Variants in GALNT5 observed in about 807,000 individuals in gnomAD.
The protein encoded by GALNT5 is polypeptide N-acetylgalactosaminyltransferase 5.
A neutral mutation model predicts 85.4 loss-of-function variants in GALNT5; 72 were observed. That is an observed-to-expected ratio of 0.84 (90% CI 0.70 to 1.03). The LOEUF (loss-of-function observed/expected upper bound fraction) is 1.03, where lower values mean the gene tolerates loss of function less well. GALNT5 is among the 50% of genes least tolerant of loss of function. GALNT5 has a pLI of 0.00. For missense variants in GALNT5, 1,137 were observed against 1,135.5 expected (o/e 1.00, Z -0.02); for synonymous variants, 404 against 397.0 (o/e 1.02, Z -0.21).
intron 3 of GALNT5, among the ~76,000 whole-genome samples, chr2:157,287,382 C>A (rs936078103): frequency 6.6e-6 from 1 of 151,576 alleles, no homozygotes; most frequent in Non-Finnish European, 1.5e-5. Context: ...CTATCTCTCC[C>A]TCTCCTGCTT....
chr2:157,296,597 T>A, intron 5 of GALNT5, 84 bp downstream of exon 5: 1 of 973,776 alleles, frequency 1.0e-6, no homozygotes, highest in East Asian at 2.5e-5. Flanking sequence ...CAGCTGTATC[T>A]TGTTATTCTA....
intron 2 of GALNT5, 96 bp from the exon 3 acceptor site, chr2:157,285,919 T>C: frequency 2.7e-6 from 2 of 746,088 alleles, no homozygotes; most frequent in Non-Finnish European, 4.5e-6. Flanking sequence ...GATGGTAATG[T>C]CATAGTTTTT....
At chr2:157,306,794 T>A (rs1427311191) in intron 8 of GALNT5, among the ~76,000 whole-genome samples, 1 of 152,174 alleles carries the variant, frequency 6.6e-6, no homozygotes, top group African/African-American at 2.4e-5. Flanking sequence ...AGAAAAGGTA[T>A]CTCTGTTGCT....
intron 1 of GALNT5, among the ~76,000 whole-genome samples, chr2:157,278,593 A>T (rs1204363474): frequency 6.6e-6 from 1 of 151,936 alleles, no homozygotes; most frequent in African/African-American, 2.4e-5. Flanking sequence ...CCTTTCTTCC[A>T]CTTGATTAAA....
At chr2:157,262,651 A>C (rs1682370546) in intron 1 of GALNT5, among the ~76,000 whole-genome samples, 2 of 137,236 alleles carry the variant, frequency 1.5e-5, no homozygotes, top group African/African-American at 6.8e-5. Context: ...AACAACAACA[A>C]CAACAACAAC....
chr2:157,301,004 G>A lies in GALNT5; in HGVS notation c.2439+5G>A. 6.3e-7 allele frequency: 1 copy of A among 1,594,108 alleles called. No homozygotes were observed. The highest frequency in any genetic ancestry group is 8.6e-7 in the Non-Finnish European group (1 of 1,167,234). On this transcript the variant is annotated splice_donor_5th_base_variant and intron_variant, in intron 7 of 9. Transcript: ENST00000259056. ...ATTGTGAGAGCTAGTGGTGTGGTAA[G>A]TTCAAGTGGCAATTTAAAATCTTAC...
At position 157,311,400 on chromosome 2, in the gene GALNT5, C is replaced by T. The variant is rs771546897; in HGVS notation, c.*52C>T. On this transcript the variant is annotated 3_prime_UTR_variant, in exon 10 of 10. Coordinates refer to ENST00000259056, the MANE Select transcript of GALNT5 (RefSeq NM_014568.3). ...AACCCATTAAATACTGTGAAAATAA[C>T]ACTGAACTTGGAAACTATATTTCTC... 28 of 1,188,786 alleles carry T rather than the reference C, an allele frequency of 2.4e-5. No homozygotes were observed. Among genetic ancestry groups the T allele is most frequent in the Middle Eastern group, 2.0e-4 (1 of 4,956 alleles). 73.6% of individuals were successfully genotyped at this position (1,188,786 alleles called of 1,614,324 possible). A position where few individuals can be genotyped will look rare whatever the true frequency, so the allele number is the denominator to read the frequency against.
At position 157,262,921 on chromosome 2, in the gene GALNT5, G is replaced by C. The variant is rs185641826; in HGVS notation, c.1454+3385G>C. Among the ~76,000 whole-genome samples, 573 of 147,594 alleles carry C rather than the reference G, an allele frequency of 3.9e-3. 15 individuals carry two copies. Among genetic ancestry groups the C allele is most frequent in the African/African-American group, 0.014 (534 of 38,658 alleles). The stretch of plus-strand genomic sequence containing the variant: ...CGGCTCACTGCAAACTCCGCCTCCG[G>C]GGTTCACACCATTCTCCTGCCTCAG... On this transcript the variant is annotated intron_variant, in intron 1 of 9. Coordinates refer to ENST00000259056, the MANE Select transcript of GALNT5 (RefSeq NM_014568.3).
intron 1 of GALNT5, among the ~76,000 whole-genome samples, chr2:157,270,295 G>GTGGAGCAAA (rs1224724548): frequency 1.1e-4 from 16 of 152,270 alleles, no homozygotes; most frequent in African/African-American, 3.8e-4. Context: ...GCAGGCACTG[G>GTGGAGCAAA]TGGAGCAAAT....
chr2:157,282,705 C>A (rs771988065), intron 1 of GALNT5, among the ~76,000 whole-genome samples: 7 of 151,524 alleles, frequency 4.6e-5, no homozygotes, highest in Non-Finnish European at 8.8e-5. Flanking sequence ...GATATTTGAG[C>A]ACATATCTAT....
chr2:157,292,419 G>C (rs550243531), intron 3 of GALNT5, among the ~76,000 whole-genome samples: 5 of 152,262 alleles, frequency 3.3e-5, no homozygotes, highest in Non-Finnish European at 7.3e-5. Flanking sequence ...TGCACAGGAG[G>C]ATTCTCCTCT....
rs116231303 is a variant in GALNT5 at position 157,294,500 on chromosome 2, G to A, written c.1742-1163G>A. Among the ~76,000 whole-genome samples the A allele has an allele frequency of 4.6e-3, 703 of 152,246 alleles. 6 individuals carry two copies. The highest frequency in any genetic ancestry group is 0.016 in the African/African-American group (648 of 41,534). On this transcript the variant is annotated intron_variant, in intron 3 of 9. Transcript: ENST00000259056. ...CTCCAATAAAGTGGTCCTGGCAGAGGTTTTGGCCTGAATGGAGGCACCTGA... is the reference window on the plus strand; with the variant it reads ...CTCCAATAAAGTGGTCCTGGCAGAGATTTTGGCCTGAATGGAGGCACCTGA...
At chr2:157,291,992 T>C (rs1360590712) in intron 3 of GALNT5, among the ~76,000 whole-genome samples, 1 of 152,224 alleles carries the variant, frequency 6.6e-6, no homozygotes, top group Non-Finnish European at 1.5e-5. Flanking sequence ...TATCACTATG[T>C]ACCCCATAAA....
chr2:157,277,372 C>T (rs1682755039), intron 1 of GALNT5, among the ~76,000 whole-genome samples: 1 of 152,106 alleles, frequency 6.6e-6, no homozygotes, highest in Non-Finnish European at 1.5e-5. Flanking sequence ...TCCTGGATAT[C>T]CCTGTTAACC....
At chr2:157,306,480 A>C (rs1683458334) in intron 8 of GALNT5, among the ~76,000 whole-genome samples, 1 of 151,878 alleles carries the variant, frequency 6.6e-6, no homozygotes, top group Admixed American at 6.6e-5. Flanking sequence ...GGGAATAGAG[A>C]CTCCTTCCAC....
chr2:157,257,913 G>C lies in GALNT5; in HGVS notation c.-170G>C. The C allele has an allele frequency of 1.5e-6, 1 of 663,704 alleles. No individual in the cohort carries two copies. The allele number at this position is 663,704 out of a possible 1,614,324, so 41.1% of individuals were successfully genotyped here. ...GCCACGCAGGCAGAGACTGACAAGCGGTAGGAACTGAGCTTTCCCCTTGGA... is the reference window on the plus strand; with the variant it reads ...GCCACGCAGGCAGAGACTGACAAGCCGTAGGAACTGAGCTTTCCCCTTGGA... On this transcript the variant is annotated 5_prime_UTR_variant, in exon 1 of 10. Transcript: ENST00000259056.
intron 7 of GALNT5, among the ~76,000 whole-genome samples, chr2:157,303,871 A>G (rs981202009): frequency 7.2e-5 from 11 of 152,204 alleles, no homozygotes; most frequent in Non-Finnish European, 1.2e-4. Flanking sequence ...GTCCTGACCA[A>G]TGTTACTTGT....
At chr2:157,266,422 T>G (rs1290100209) in intron 1 of GALNT5, among the ~76,000 whole-genome samples, 1 of 152,228 alleles carries the variant, frequency 6.6e-6, no homozygotes, top group Non-Finnish European at 1.5e-5. Flanking sequence ...CCCCACGTAG[T>G]GACCATCATC....
intron 3 of GALNT5, among the ~76,000 whole-genome samples, chr2:157,288,334 T>C (rs890861082): frequency 6.6e-6 from 1 of 152,246 alleles, no homozygotes; most frequent in African/African-American, 2.4e-5. Context: ...GATGAGAGAC[T>C]GCATTCAGAA....
Sources: gnomAD v4.1 joint callset for allele counts (sites outside exome capture counted in the v4.1 genomes callset) on GRCh38, gnomAD v4.1.1 for gene constraint, MANE v1.5 for transcripts, NCBI Gene and HGNC (gene_info 2026-07-23, HGNC 2026-07-21) for gene names.